CDC40: variants seen among roughly 807,000 people sequenced by gnomAD.
The protein encoded by CDC40 is cell division cycle 40.
Under a neutral mutation model 80.6 loss-of-function variants are expected in CDC40, and 27 were observed. The observed-to-expected ratio is 0.33, with a 90% CI of 0.25 to 0.46. CDC40 has a LOEUF of 0.46. CDC40 is among the 20% of genes least tolerant of loss of function. The probability of loss-of-function intolerance (pLI) is 1.00; values close to 1 mark genes in which losing one functional copy is unlikely to be tolerated. For missense variants in CDC40, 486 were observed against 694.1 expected, an observed-to-expected ratio of 0.70 and a Z score of 3.37; for synonymous variants, 221 against 232.6, an observed-to-expected ratio of 0.95 and a Z score of 0.45.
Position 110,203,067 on chromosome 6 carries a change from T to A in CDC40, c.406+1380T>A, listed in dbSNP as rs144029067. On this transcript the variant is annotated intron_variant, in intron 3 of 14. Transcript: ENST00000307731. ...TCTTAGATAAGGTCGATCTTATTTA[T>A]TAAGTTCAAGTGAACTTAGTAAGAT... 5.1e-3 allele frequency among the ~76,000 whole-genome samples: 775 copies of A among 152,318 alleles called. 33 individuals are homozygous for A. The highest frequency in any genetic ancestry group is 0.045 in the Admixed American group (686 of 15,304).
intron 13 of CDC40, among the ~76,000 whole-genome samples, chr6:110,227,742 G>T (rs1049186441): frequency 6.6e-6 from 1 of 152,182 alleles, no homozygotes; most frequent in Non-Finnish European, 1.5e-5. Flanking sequence ...AAGCATTTAC[G>T]TTGCATTAGG....
At chr6:110,180,720 C>T (rs1706601351) in intron 1 of CDC40, 87 bp downstream of exon 1, 1 of 904,452 alleles carries the variant, frequency 1.1e-6, no homozygotes, top group Admixed American at 2.1e-5. Context: ...CGGGTTACCT[C>T]TTTCTCAGTG....
At chr6:110,204,818 C>T (rs1405695793) in intron 3 of CDC40, among the ~76,000 whole-genome samples, 1 of 151,962 alleles carries the variant, frequency 6.6e-6, no homozygotes, top group East Asian at 1.9e-4. Flanking sequence ...AACGACCACA[C>T]ATAGCTAATG....
intron 9 of CDC40, among the ~76,000 whole-genome samples, chr6:110,216,119 G>A (rs1777696744): frequency 1.3e-5 from 2 of 152,186 alleles, no homozygotes; most frequent in African/African-American, 4.8e-5. Flanking sequence ...GCTTTGAAGA[G>A]AGACTGGGAA....
At chr6:110,207,733 G>T in intron 4 of CDC40, 144 bp downstream of exon 4, 1 of 543,352 alleles carries the variant, frequency 1.8e-6, no homozygotes, top group Non-Finnish European at 3.3e-6. Flanking sequence ...ACAGTTTAGA[G>T]CAATATAGTT....
chr6:110,217,239 G>T (rs1313456008), intron 9 of CDC40, among the ~76,000 whole-genome samples: 1 of 152,190 alleles, frequency 6.6e-6, no homozygotes, highest in Non-Finnish European at 1.5e-5. Flanking sequence ...ACAGTTTCCT[G>T]AACTTTAGGT....
chr6:110,210,388 A>G (rs1430794195), intron 5 of CDC40, among the ~76,000 whole-genome samples: 3 of 149,084 alleles, frequency 2.0e-5, no homozygotes, highest in Non-Finnish European at 4.4e-5. Flanking sequence ...TGTCTCTACT[A>G]AAACAGAAAA....
chr6:110,212,783 C>T (rs1194257578), intron 7 of CDC40, among the ~76,000 whole-genome samples: 13 of 152,012 alleles, frequency 8.6e-5, no homozygotes, highest in Admixed American at 7.9e-4. Flanking sequence ...ATTTCCAACT[C>T]TTTGCAAAGA....
intron 1 of CDC40, among the ~76,000 whole-genome samples, chr6:110,190,245 A>C (rs1426129317): frequency 6.6e-6 from 1 of 152,226 alleles, no homozygotes; most frequent in African/African-American, 2.4e-5. Flanking sequence ...GGCATAAAAT[A>C]ATAAAGGCAT....
At chr6:110,197,462 G>A (rs1046683321) in intron 2 of CDC40, among the ~76,000 whole-genome samples, 1 of 152,056 alleles carries the variant, frequency 6.6e-6, no homozygotes, top group Admixed American at 6.5e-5. Flanking sequence ...TCTACTTTTA[G>A]TGGTTTTCAA....
At chr6:110,227,615 T>A (rs1241666556) in intron 13 of CDC40, among the ~76,000 whole-genome samples, 1 of 152,174 alleles carries the variant, frequency 6.6e-6, no homozygotes, top group Non-Finnish European at 1.5e-5. Flanking sequence ...GCCCTTTGTA[T>A]CCATGAGCAC....
chr6:110,200,911 T>G (rs1361748389), intron 2 of CDC40, among the ~76,000 whole-genome samples: 1 of 152,230 alleles, frequency 6.6e-6, no homozygotes, highest in Non-Finnish European at 1.5e-5. Context: ...TGACTCTTCA[T>G]AGTGTGACTT....
intron 12 of CDC40, among the ~76,000 whole-genome samples, chr6:110,223,058 C>G (rs536133452): frequency 3.8e-4 from 58 of 152,184 alleles, no homozygotes; most frequent in South Asian, 8.3e-4. Flanking sequence ...AGTTCACACT[C>G]TGATCAAACT....
At chr6:110,189,556 G>A (rs539133353) in intron 1 of CDC40, among the ~76,000 whole-genome samples, 1 of 152,220 alleles carries the variant, frequency 6.6e-6, no homozygotes, top group East Asian at 1.9e-4. Flanking sequence ...TCTTACCTTT[G>A]TCATCTCTAT....
intron 3 of CDC40, among the ~76,000 whole-genome samples, chr6:110,204,659 C>CTT (rs55895216): frequency 0.034 from 4,036 of 119,152 alleles, 157 homozygotes; most frequent in South Asian, 0.1. Flanking sequence ...TCCTATTTCT[C>CTT]TTTTTTTTTT....
At chr6:110,220,742 G>GC (rs1285374054) in intron 12 of CDC40, among the ~76,000 whole-genome samples, 2 of 152,186 alleles carry the variant, frequency 1.3e-5, no homozygotes, top group African/African-American at 4.8e-5. Flanking sequence ...ACTGCACCCA[G>GC]CCAGAAAGGC....
rs151018240 is a variant in CDC40, at chr6:110,201,008, A to G, written c.277-550A>G. The stretch of plus-strand genomic sequence containing the variant: ...CTTTATTTTTGTTGTCTGTTTTTCT[A>G]TCCTCCACCCCCAATGGAATTCTGA... On this transcript the variant is annotated intron_variant, in intron 2 of 14. Coordinates refer to ENST00000307731, the MANE Select transcript of CDC40 (RefSeq NM_015891.3). 5.9e-3 allele frequency among the ~76,000 whole-genome samples: 897 copies of G among 152,172 alleles called. 11 individuals are homozygous for G. Among genetic ancestry groups the G allele is most frequent in the African/African-American group, 0.021 (868 of 41,506 alleles).
At chr6:110,205,577 C>G (rs1279542714) in intron 3 of CDC40, among the ~76,000 whole-genome samples, 1 of 152,138 alleles carries the variant, frequency 6.6e-6, no homozygotes, top group African/African-American at 2.4e-5. Flanking sequence ...GAAAGCATAA[C>G]TTATTTTTCT....
intron 1 of CDC40, among the ~76,000 whole-genome samples, chr6:110,185,282 G>T (rs1275961079): frequency 3.2e-5 from 4 of 125,772 alleles, no homozygotes; most frequent in Non-Finnish European, 6.2e-5. Context: ...TCGCTCTGTC[G>T]CCCAGGCTGG....
Sources: gnomAD v4.1 joint callset for allele counts (sites outside exome capture counted in the v4.1 genomes callset) on GRCh38, gnomAD v4.1.1 for gene constraint, MANE v1.5 for transcripts, NCBI Gene and HGNC (gene_info 2026-07-23, HGNC 2026-07-21) for gene names.